Variants in ABCA13 observed in about 807,000 individuals in gnomAD.
ABCA13 encodes the protein ATP binding cassette subfamily A member 13, also known as ATP-binding cassette sub-family A member 13.
In ABCA13, 476 loss-of-function variants were observed where a neutral mutation model predicts 478.7. The observed-to-expected ratio is 0.99, with a 90% CI of 0.92 to 1.07. The LOEUF is 1.07. ABCA13 is among the 50% of genes least tolerant of loss of function. ABCA13 has a pLI of 0.00. For missense variants in ABCA13, 6,060 were observed against 5,910.6 expected (o/e 1.03, Z -0.83); for synonymous variants, 2,252 against 2,158.9 (o/e 1.04, Z -1.20).
chr7:48,601,800 T>G (rs1790918968), intron 58 of ABCA13, among the ~76,000 whole-genome samples: 1 of 152,230 alleles, frequency 6.6e-6, no homozygotes, highest in East Asian at 1.9e-4. Context: ...ATTGCCACAC[T>G]GTCTTCCACA....
Position 48,646,498 on chromosome 7 carries a change from A to C in ABCA13, c.*986A>C, listed in dbSNP as rs1795441665. On this transcript the variant is annotated 3_prime_UTR_variant, in exon 62 of 62. Coordinates refer to ENST00000435803, the MANE Select transcript of ABCA13 (RefSeq NM_152701.5). ...TCCTAGTTATACAAGCAAAATCTGCATAGTATGTAGTCTTTTTTATTTATT... is the reference window on the plus strand; with the variant it reads ...TCCTAGTTATACAAGCAAAATCTGCCTAGTATGTAGTCTTTTTTATTTATT... The C allele has an allele frequency of 6.6e-6, 1 of 151,970 alleles. No homozygotes were observed. Among genetic ancestry groups the C allele is most frequent in the Admixed American group, 6.6e-5 (1 of 15,236 alleles). The allele number at this position is 151,970 out of a possible 1,614,324, so 9.4% of individuals were successfully genotyped here. A position where few individuals can be genotyped will look rare whatever the true frequency, so the allele number is the denominator to read the frequency against.
chr7:48,171,630 C>G, intron 1 of ABCA13, 78 bp downstream of exon 1: 1 of 1,453,182 alleles, frequency 6.9e-7, no homozygotes, highest in Admixed American at 2.0e-5. Context: ...TCCTGCCTGC[C>G]TCTGCCTCCT....
intron 19 of ABCA13, among the ~76,000 whole-genome samples, chr7:48,285,762 A>G (rs1797647677): frequency 6.6e-6 from 1 of 152,194 alleles, no homozygotes; most frequent in Non-Finnish European, 1.5e-5. Flanking sequence ...TCTTCCCGAG[A>G]CCAGAGGATA....
chr7:48,305,202 T>C (rs1001467470), intron 23 of ABCA13, among the ~76,000 whole-genome samples: 2 of 152,196 alleles, frequency 1.3e-5, no homozygotes, highest in Non-Finnish European at 2.9e-5. Flanking sequence ...CCTGGTTGTA[T>C]AGACAAAGAA....
At chr7:48,418,668 G>A (rs946058877) in intron 41 of ABCA13, among the ~76,000 whole-genome samples, 2 of 152,110 alleles carry the variant, frequency 1.3e-5, no homozygotes, top group African/African-American at 2.4e-5. Context: ...TAAACTGAGT[G>A]CAGGTTACAT....
At chr7:48,406,875 A>AAAATAAAT (rs545188834) in intron 39 of ABCA13, among the ~76,000 whole-genome samples, 1 of 151,768 alleles carries the variant, frequency 6.6e-6, no homozygotes, top group Non-Finnish European at 1.5e-5. Context: ...TCCATCTCAA[A>AAAATAAAT]AAATAAATAA....
chr7:48,238,747 C>T (rs1470843136), intron 8 of ABCA13, among the ~76,000 whole-genome samples: 3 of 152,316 alleles, frequency 2.0e-5, no homozygotes, highest in East Asian at 3.9e-4. Context: ...GGATTACAGG[C>T]GTGAGCCACC....
intron 55 of ABCA13, among the ~76,000 whole-genome samples, chr7:48,568,637 AT>A (rs913093359): frequency 6.6e-6 from 1 of 151,656 alleles, no homozygotes. Context: ...TAGCTTGGGA[AT>A]TTTTTTTCTC....
At chr7:48,317,068 G>T in intron 26 of ABCA13, 89 bp from the exon 27 acceptor site, 1 of 1,451,274 alleles carries the variant, frequency 6.9e-7, no homozygotes, top group East Asian at 2.4e-5. Flanking sequence ...CATTGAAAAT[G>T]AGGCATCCTG....
At chr7:48,235,780 T>A (rs972347287) in intron 8 of ABCA13, among the ~76,000 whole-genome samples, 1 of 152,196 alleles carries the variant, frequency 6.6e-6, no homozygotes, top group Non-Finnish European at 1.5e-5. Context: ...CCAGTTATTG[T>A]GTAGGTATGT....
chr7:48,329,587 A>G (rs952179967), intron 27 of ABCA13, among the ~76,000 whole-genome samples: 2 of 151,674 alleles, frequency 1.3e-5, no homozygotes, highest in African/African-American at 4.8e-5. Flanking sequence ...CCATTTATCT[A>G]TTCATCCATC....
intron 41 of ABCA13, among the ~76,000 whole-genome samples, chr7:48,426,384 T>C (rs1382718688): frequency 6.6e-6 from 1 of 152,206 alleles, no homozygotes; most frequent in Non-Finnish European, 1.5e-5. Flanking sequence ...TTCTGGTGCC[T>C]TCCCCCATCT....
At chr7:48,577,357 GA>G (rs1366644063) in intron 55 of ABCA13, among the ~76,000 whole-genome samples, 9 of 151,828 alleles carry the variant, frequency 5.9e-5, no homozygotes, top group Non-Finnish European at 1.2e-4. Context: ...GATTATCCAT[GA>G]AAAAAAGAAA....
chr7:48,356,751 C>A (rs1432782470), intron 31 of ABCA13, among the ~76,000 whole-genome samples: 1 of 151,868 alleles, frequency 6.6e-6, no homozygotes, highest in Non-Finnish European at 1.5e-5. Context: ...TTTGAAATTG[C>A]ATGTTCCTAT....
At chr7:48,425,632 G>C (rs1036566486) in intron 41 of ABCA13, among the ~76,000 whole-genome samples, 2 of 152,146 alleles carry the variant, frequency 1.3e-5, no homozygotes, top group Non-Finnish European at 2.9e-5. Context: ...TCTAGCTACT[G>C]TTGAGACCAG....
intron 43 of ABCA13, among the ~76,000 whole-genome samples, chr7:48,462,877 A>G (rs1261630023): frequency 6.6e-6 from 1 of 152,184 alleles, no homozygotes; most frequent in Non-Finnish European, 1.5e-5. Context: ...ACCTCCTTTT[A>G]GAACTCCTAG....
chr7:48,251,643 TA>T (rs958638472), intron 15 of ABCA13, among the ~76,000 whole-genome samples: 13 of 151,894 alleles, frequency 8.6e-5, no homozygotes, highest in East Asian at 3.9e-4. Context: ...AAACGGAATT[TA>T]AAAAAAATAT....
chr7:48,306,550 T>G (rs1260962873), intron 23 of ABCA13, among the ~76,000 whole-genome samples: 1 of 152,160 alleles, frequency 6.6e-6, no homozygotes, highest in Non-Finnish European at 1.5e-5. Context: ...ATGCCTATAT[T>G]CTGCTCCCAA....
At position 48,272,156 on chromosome 7, in the gene ABCA13, T is replaced by G. The variant is rs1440484545; in HGVS notation, c.2490T>G (p.Ile830Met). Reference protein sequence around the residue: ...LRFIELILFEINPKLLELWAY... With the variant: ...LRFIELILFEMNPKLLELWAY... ...TCATAGAATTAATACTTTTTGAAATTAATCCCAAATTACTAGAATTATGGG... is the reference window on the plus strand; with the variant it reads ...TCATAGAATTAATACTTTTTGAAATGAATCCCAAATTACTAGAATTATGGG... The change falls in exon 17 of 62, where the codon ATT (isoleucine) becomes ATG (methionine). Residue 830 changes from isoleucine to methionine, a missense_variant. Transcript: ENST00000435803. The G allele has an allele frequency of 6.2e-7, 1 of 1,613,100 alleles. No homozygotes were observed. Among genetic ancestry groups the G allele is most frequent in the Non-Finnish European group, 8.5e-7 (1 of 1,179,486 alleles).
Sources: allele counts gnomAD v4.1 joint callset (sites outside exome capture counted in the v4.1 genomes callset), GRCh38; gene constraint gnomAD v4.1.1; transcripts MANE v1.5; gene names NCBI Gene and HGNC (gene_info 2026-07-23, HGNC 2026-07-21).